Variants in SEMA6A observed in about 807,000 individuals in gnomAD.
SEMA6A encodes semaphorin 6A.
A neutral mutation model predicts 96.8 loss-of-function variants in SEMA6A; 25 were observed. That is an observed-to-expected ratio of 0.26 (90% CI 0.19 to 0.36). The LOEUF (loss-of-function observed/expected upper bound fraction) is 0.36, where lower values mean the gene tolerates loss of function less well. Ranked by LOEUF, SEMA6A falls within the 10% of genes least tolerant of loss-of-function variation. SEMA6A has a pLI of 1.00. For synonymous variants in SEMA6A, 612 were observed against 518.0 expected (o/e 1.18, Z -2.46); for missense variants, 1,363 against 1,323.1 (o/e 1.03, Z -0.47).
chr5:116,485,649 AGTTTT>A (rs1444692013), intron 10 of SEMA6A, among the ~76,000 whole-genome samples: 1 of 152,138 alleles, frequency 6.6e-6, no homozygotes, highest in Non-Finnish European at 1.5e-5. Flanking sequence ...GTTATCCTTT[AGTTTT>A]ATCATTTTGG....
intron 1 of SEMA6A, among the ~76,000 whole-genome samples, chr5:116,538,333 T>C (rs1759817093): frequency 6.6e-6 from 1 of 152,192 alleles, no homozygotes; most frequent in Non-Finnish European, 1.5e-5. Flanking sequence ...TTAAAAGCAT[T>C]TTGTCTTCCT....
At chr5:116,484,651 CAAA>C (rs796645479) in intron 10 of SEMA6A, among the ~76,000 whole-genome samples, 14 of 151,738 alleles carry the variant, frequency 9.2e-5, no homozygotes, top group African/African-American at 2.7e-4. Context: ...ATAATAATAA[CAAA>C]AATCATAACA....
At chr5:116,512,979 G>T (rs1409469603) in intron 1 of SEMA6A, among the ~76,000 whole-genome samples, 2 of 152,158 alleles carry the variant, frequency 1.3e-5, no homozygotes, top group Non-Finnish European at 2.9e-5. Flanking sequence ...CTTAAAGGTG[G>T]CTACTTTGTT....
intron 1 of SEMA6A, among the ~76,000 whole-genome samples, chr5:116,544,402 C>T (rs1760098945): frequency 6.6e-6 from 1 of 152,072 alleles, no homozygotes; most frequent in Non-Finnish European, 1.5e-5. Flanking sequence ...GCAATCCTCC[C>T]ACCTCAGCCT....
intron 1 of SEMA6A, among the ~76,000 whole-genome samples, chr5:116,553,210 A>G: frequency 6.6e-6 from 1 of 152,368 alleles, no homozygotes; most frequent in South Asian, 2.1e-4. Context: ...TTTTATTAAC[A>G]TATTCACTTT....
At position 116,495,289 on chromosome 5, in the gene SEMA6A, G is replaced by A. The variant is rs1297470553; in HGVS notation, c.444+124C>T. ...TCACTCATGTGGAGCAATACATTAA[G>A]TTGAACAAGTGAGAGGAACTCAGGT... On this transcript the variant is annotated intron_variant, in intron 6 of 18. Transcript: ENST00000343348. 4.2e-6 allele frequency: 3 copies of A among 717,830 alleles called. No individual in the cohort carries two copies. In the East Asian group the frequency reaches 8.1e-5, roughly 19 times the overall value. The allele number at this position is 717,830 out of a possible 1,614,324, so 44.5% of individuals were successfully genotyped here. A position where few individuals can be genotyped will look rare whatever the true frequency, so the allele number is the denominator to read the frequency against.
intron 1 of SEMA6A, among the ~76,000 whole-genome samples, chr5:116,554,294 G>A (rs1231069646): frequency 1.3e-5 from 2 of 152,160 alleles, no homozygotes; most frequent in African/African-American, 2.4e-5. Flanking sequence ...CTCAAAAAGT[G>A]TCTCTAGCAC....
intron 1 of SEMA6A, among the ~76,000 whole-genome samples, chr5:116,529,031 T>A (rs2112834869): frequency 6.6e-6 from 1 of 152,304 alleles, no homozygotes; most frequent in South Asian, 2.1e-4. Context: ...GCTCTGCTGG[T>A]ACTGGGTGGA....
intron 1 of SEMA6A, among the ~76,000 whole-genome samples, chr5:116,546,672 T>C (rs371505407): frequency 2.0e-5 from 3 of 152,320 alleles, no homozygotes. Context: ...AGGTAATCAC[T>C]GGGAGTTCTT....
intron 1 of SEMA6A, among the ~76,000 whole-genome samples, chr5:116,560,705 C>T (rs984095500): frequency 6.6e-6 from 1 of 151,908 alleles, no homozygotes; most frequent in African/African-American, 2.4e-5. Flanking sequence ...ATTTTTATCC[C>T]GACCATAAAA....
chr5:116,523,486 A>T (rs775540759), intron 1 of SEMA6A, among the ~76,000 whole-genome samples: 1 of 151,564 alleles, frequency 6.6e-6, no homozygotes, highest in Non-Finnish European at 1.5e-5. Flanking sequence ...TAATTTTTGT[A>T]TTTTTTGTAG....
chr5:116,475,656 C>A, intron 15 of SEMA6A, 53 bp from the exon 16 acceptor site: 2 of 1,348,302 alleles, frequency 1.5e-6, no homozygotes, highest in Non-Finnish European at 2.1e-6. Flanking sequence ...TAACGTGAGT[C>A]TTCAGAAATG....
At chr5:116,522,787 C>T (rs1042676928) in intron 1 of SEMA6A, among the ~76,000 whole-genome samples, 2 of 152,056 alleles carry the variant, frequency 1.3e-5, no homozygotes, top group Non-Finnish European at 2.9e-5. Context: ...CCCCCTTGTT[C>T]TCTGTCTTCA....
At chr5:116,510,962 C>T (rs1251310152) in intron 1 of SEMA6A, among the ~76,000 whole-genome samples, 5 of 152,150 alleles carry the variant, frequency 3.3e-5, no homozygotes, top group Non-Finnish European at 7.3e-5. Flanking sequence ...ATTGAAACAG[C>T]ACAGCAACCC....
intron 17 of SEMA6A, chr5:116,467,974 C>A: frequency 1.9e-6 from 1 of 532,774 alleles, no homozygotes; most frequent in Non-Finnish European, 3.4e-6. Flanking sequence ...AGGGCCAGAT[C>A]CTATCTCTCA....
chr5:116,452,926 A>G (rs1340286573), intron 18 of SEMA6A, among the ~76,000 whole-genome samples: 1 of 152,258 alleles, frequency 6.6e-6, no homozygotes, highest in Non-Finnish European at 1.5e-5. Context: ...GGCATAAACC[A>G]GCAGGGAAGA....
At chr5:116,464,636 G>A (rs114439297) in intron 18 of SEMA6A, among the ~76,000 whole-genome samples, 2,540 of 152,270 alleles carry the variant, frequency 0.017, 38 homozygotes, top group East Asian at 0.066. Context: ...ATTTTGAAAG[G>A]GGGAGGCTAA....
Position 116,447,399 on chromosome 5 carries a change from C to G in SEMA6A, c.2307G>C (p.Lys769Asn). Residue 769 changes from lysine (K) to asparagine (N), a missense_variant, in exon 19 of 19, where the codon AAG (lysine) becomes AAC (asparagine). Around this residue, in one of 2 missense-constraint regions of SEMA6A, gnomAD observed 883 missense variants for 763.6 expected, o/e 1.16. Transcript: ENST00000343348. ...CCCACTCGCGGCTGCCGCGGCTGGG[C>G]TTCCGCTTCTGCTGCAGCGTTGGGG... ...ESTPTLQQKR[K>N]PSRGSREWER... 1 of 1,614,040 alleles carries G rather than the reference C, an allele frequency of 6.2e-7. No individual in the cohort carries two copies. Among genetic ancestry groups the G allele is most frequent in the South Asian group, 1.1e-5 (1 of 91,080 alleles).
Position 116,445,563 on chromosome 5 carries a change from C to CTGAT in SEMA6A, c.*1046_*1049dup, listed in dbSNP as rs1190441881. On this transcript the variant is annotated 3_prime_UTR_variant, in exon 19 of 19. Transcript: ENST00000343348. The stretch of plus-strand genomic sequence containing the variant: ...TGTGCCATTCTAAAAGCTTTCTCTC[C>CTGAT]TGATTGCTTTAGAAATTAGGATCTG... 13 of 152,492 alleles carry CTGAT rather than the reference C, an allele frequency of 8.5e-5. No homozygotes were observed. The highest frequency in any genetic ancestry group is 1.4e-4 in the African/African-American group (6 of 41,444). 9.4% of individuals were successfully genotyped at this position (152,492 alleles called of 1,614,324 possible).
Sources: allele counts gnomAD v4.1 joint callset (sites outside exome capture counted in the v4.1 genomes callset), GRCh38; gene constraint gnomAD v4.1.1; regional missense constraint gnomAD v4.1.1; transcripts MANE v1.5; gene names NCBI Gene and HGNC (gene_info 2026-07-23, HGNC 2026-07-21).